Variants in KIF1B observed in about 807,000 individuals in gnomAD.
KIF1B encodes the protein kinesin-like protein KIF1B.
KIF1B carries 76 observed loss-of-function variants against 241.9 expected under a neutral mutation model. The ratio of observed to expected loss-of-function variants is 0.31; its 90% CI spans 0.26 to 0.38. KIF1B has a LOEUF of 0.38. KIF1B is among the 10% of genes least tolerant of loss of function. The pLI is 1.00. For missense variants in KIF1B, 1,622 were observed against 2,271.4 expected (o/e 0.71, Z 5.81); for synonymous variants, 750 against 796.7 (o/e 0.94, Z 0.99).
rs941257361 is a variant in KIF1B at position 10,305,798 on chromosome 1, A to G, written c.2115+8552A>G. 7.6e-6 allele frequency: 8 copies of G among 1,054,142 alleles called. No homozygotes were observed. In the African/African-American group the frequency reaches 1.3e-4, roughly 17 times the overall value. 65.3% of individuals were successfully genotyped at this position (1,054,142 alleles called of 1,614,324 possible). A position where few individuals can be genotyped will look rare whatever the true frequency, so the allele number is the denominator to read the frequency against. On this transcript the variant is annotated intron_variant, in intron 22 of 48. Transcript: ENST00000676179. The stretch of plus-strand genomic sequence containing the variant: ...AATCCACTAAGAAAGATGGATTTTA[A>G]TGGGAAGAAAAGAATTATTTTCTAC...
intron 1 of KIF1B, among the ~76,000 whole-genome samples, chr1:10,220,036 C>T (rs776959757): frequency 9.2e-5 from 14 of 151,742 alleles, no homozygotes; most frequent in African/African-American, 3.4e-4. Context: ...AACTCCGTCT[C>T]TACTAAAAAT....
In KIF1B at chr1:10,377,337, T is replaced by C; in HGVS notation, c.*750T>C. ...AGTGGGCCTGGGACAGTGGCTGCTC[T>C]TGACTTTGTGTGAAGGGAAATGCCA... On this transcript the variant is annotated 3_prime_UTR_variant, in exon 49 of 49. Coordinates refer to ENST00000676179, the MANE Select transcript of KIF1B (RefSeq NM_001365951.3). The C allele has an allele frequency of 4.4e-6, 1 of 228,236 alleles. No homozygotes were observed. 14.1% of individuals were successfully genotyped at this position (228,236 alleles called of 1,614,324 possible).
At chr1:10,247,941 C>T (rs1647256707) in intron 2 of KIF1B, among the ~76,000 whole-genome samples, 3 of 152,146 alleles carry the variant, frequency 2.0e-5, no homozygotes, top group African/African-American at 7.2e-5. Context: ...CTCACATGTG[C>T]AGTTCACAAT....
intron 22 of KIF1B, chr1:10,306,475 G>T: frequency 1.0e-6 from 1 of 971,258 alleles, no homozygotes; most frequent in Non-Finnish European, 1.3e-6. Context: ...GCTAGGTTTG[G>T]TGGCACATGC....
chr1:10,216,957 CTTTTTTT>C (rs70998362), intron 1 of KIF1B, among the ~76,000 whole-genome samples: 3 of 54,522 alleles, frequency 5.5e-5, no homozygotes, highest in Non-Finnish European at 6.6e-5. Flanking sequence ...TGCCCATTTT[CTTTTTTT>C]TTTTTTTTTT....
intron 1 of KIF1B, among the ~76,000 whole-genome samples, chr1:10,220,549 G>A (rs986642766): frequency 1.3e-5 from 2 of 152,062 alleles, no homozygotes; most frequent in African/African-American, 4.8e-5. Flanking sequence ...CATGCCTATA[G>A]TACCCAGCTA....
rs143419886 is a variant in KIF1B at position 10,321,768 on chromosome 1, C to T, written c.2269C>T (p.His757Tyr). Residue 757 changes from histidine to tyrosine, a missense_variant, in exon 24 of 49, where the codon CAT becomes TAT. By Grantham distance (83) the His-to-Tyr change is moderately conservative. This residue lies in a region of KIF1B where 803 missense variants were observed against 1,112.0 expected (regional missense o/e 0.72). Transcript: ENST00000676179. Reference sequence around the variant, plus strand: ...ATGGGCCTTCCGGAAATGGAAGTCTCATCAGTTTACTTCATTACGGGACTT... The same window carrying T: ...ATGGGCCTTCCGGAAATGGAAGTCTTATCAGTTTACTTCATTACGGGACTT... The part of the protein sequence containing the change: ...AQWAFRKWKS[H>Y]QFTSLRDLLW... 1.2e-6 allele frequency: 2 copies of T among 1,614,002 alleles called. No individual in the cohort carries two copies. The highest frequency in any genetic ancestry group is 1.3e-5 in the African/African-American group (1 of 74,936).
intron 10 of KIF1B, among the ~76,000 whole-genome samples, chr1:10,273,500 A>G (rs994634415): frequency 7.9e-5 from 12 of 152,076 alleles, no homozygotes; most frequent in Admixed American, 7.2e-4. Context: ...GTGGAGTGAA[A>G]GTTTGTTCCA....
chr1:10,218,307 T>G (rs1646795540), intron 1 of KIF1B, among the ~76,000 whole-genome samples: 1 of 152,214 alleles, frequency 6.6e-6, no homozygotes, highest in Admixed American at 6.5e-5. Context: ...ATTTTGTTTT[T>G]TTCTTCCTTG....
intron 3 of KIF1B, among the ~76,000 whole-genome samples, chr1:10,257,931 C>G (rs1431138487): frequency 6.6e-6 from 1 of 152,152 alleles, no homozygotes; most frequent in Non-Finnish European, 1.5e-5. Flanking sequence ...CCCGCCTTGG[C>G]CTCCCAGAGT....
intron 2 of KIF1B, among the ~76,000 whole-genome samples, chr1:10,246,013 C>G (rs1028673921): frequency 6.6e-6 from 1 of 152,108 alleles, no homozygotes; most frequent in African/African-American, 2.4e-5. Flanking sequence ...TCTTCTAGTT[C>G]TGGGGGCTTA....
At position 10,348,729 on chromosome 1, in the gene KIF1B, G is replaced by A; in HGVS notation, c.3945G>A (p.Val1315=). The change falls in exon 37 of 49, where the codon GTG becomes GTA. Residue 1315 remains valine, a synonymous_variant. Coordinates refer to ENST00000676179, the MANE Select transcript of KIF1B (RefSeq NM_001365951.3). ...ATTGGAAAGATGTTCGTGAACTGGT[G>A]GTAGGTGAGTACGTTTCATCAGCCA... The part of the protein sequence containing the change: ...ELHWKDVREL[V]VGRIRNKPEV... 2 of 1,613,044 alleles carry A rather than the reference G, an allele frequency of 1.2e-6. No homozygotes were observed. Among genetic ancestry groups the A allele is most frequent in the Non-Finnish European group, 8.5e-7 (1 of 1,179,066 alleles).
At chr1:10,243,361 G>A (rs1647164713) in intron 2 of KIF1B, among the ~76,000 whole-genome samples, 1 of 152,258 alleles carries the variant, frequency 6.6e-6, no homozygotes, top group Non-Finnish European at 1.5e-5. Context: ...AGAGGTTGCA[G>A]TGAGCCAAGT....
chr1:10,223,810 C>T (rs931516047), intron 1 of KIF1B, among the ~76,000 whole-genome samples: 9 of 152,086 alleles, frequency 5.9e-5, no homozygotes, highest in Non-Finnish European at 8.8e-5. Context: ...TCCCAAAGTG[C>T]TGGGATTACA....
intron 22 of KIF1B, among the ~76,000 whole-genome samples, chr1:10,310,369 C>T (rs909916145): frequency 6.6e-6 from 1 of 151,516 alleles, no homozygotes; most frequent in African/African-American, 2.5e-5. Flanking sequence ...AACCAGTGAT[C>T]TGGAATGGGG....
chr1:10,233,623 CAAAGAA>C (rs898012259), intron 2 of KIF1B, among the ~76,000 whole-genome samples: 1 of 150,988 alleles, frequency 6.6e-6, no homozygotes, highest in Non-Finnish European at 1.5e-5. Context: ...GAAAAATTGT[CAAAGAA>C]AAAGAGATGC....
intron 22 of KIF1B, chr1:10,304,714 TG>T (rs1650740490): frequency 6.3e-7 from 1 of 1,595,898 alleles, no homozygotes; most frequent in South Asian, 1.1e-5. Context: ...TGATTTGATT[TG>T]GTTCTACCTT....
chr1:10,230,844 ATTAC>A (rs1343762865), intron 1 of KIF1B: 3 of 152,160 alleles, frequency 2.0e-5, no homozygotes, highest in Non-Finnish European at 4.4e-5. Context: ...CATTTTTCCT[ATTAC>A]TTCATTCAGT....
At position 10,308,416 on chromosome 1, in the gene KIF1B, T is replaced by C. The variant is rs555132812; in HGVS notation, c.2115+11170T>C. ...GTGTTGTCCCATTATTACTGTAAAA[T>C]GAAGTTTTGAATCTTCTTGTTAATA... On this transcript the variant is annotated intron_variant, in intron 22 of 48. Transcript: ENST00000676179. 4.0e-3 allele frequency: 4,193 copies of C among 1,045,854 alleles called. 14 individuals carry two copies. The highest frequency in any genetic ancestry group is 4.6e-3 in the Non-Finnish European group (3,955 of 866,908). The allele number at this position is 1,045,854 out of a possible 1,614,324, so 64.8% of individuals were successfully genotyped here.
Sources: allele counts gnomAD v4.1 joint callset (sites outside exome capture counted in the v4.1 genomes callset), GRCh38; gene constraint gnomAD v4.1.1; regional missense constraint gnomAD v4.1.1; transcripts MANE v1.5; gene names NCBI Gene and HGNC (gene_info 2026-07-23, HGNC 2026-07-21).